The following CFHR5 variants were observed in gnomAD, a reference collection of about 807,000 sequenced individuals.
CFHR5 encodes complement factor H-related protein 5.
In CFHR5, 73 loss-of-function variants were observed where a neutral mutation model predicts 62.9. The observed-to-expected ratio is 1.16, with a 90% CI of 0.96 to 1.41. The LOEUF is 1.41. CFHR5 is among the 40% of genes most tolerant of loss of function. The probability of loss-of-function intolerance (pLI) is 0.00; values close to 1 mark genes in which losing one functional copy is unlikely to be tolerated. For missense variants in CFHR5, 779 were observed against 679.9 expected, an observed-to-expected ratio of 1.15 and a Z score of -1.62; for synonymous variants, 249 against 227.2, an observed-to-expected ratio of 1.10 and a Z score of -0.86.
At position 197,008,651 on chromosome 1, in the gene CFHR5, G is replaced by T. The variant is rs779087611; in HGVS notation, c.1678G>T (p.Glu560Ter). The part of the protein sequence containing the change: ...SSPPFRAICQ[E>*]GKFEYPICE ...ACCACCATTTCGAGCAATCTGTCAG[G>T]AAGGGAAATTTGAATATCCTATATG... Residue 560 changes from glutamate (E) to a stop codon, truncating the protein, a stop_gained, in exon 10 of 10, where the codon GAA becomes TAA. Coordinates refer to ENST00000256785, the MANE Select transcript of CFHR5 (RefSeq NM_030787.4). LOFTEE classifies it low-confidence loss of function (END_TRUNC). 3 of 1,613,636 alleles carry T rather than the reference G, an allele frequency of 1.9e-6. No homozygotes were observed. In the East Asian group the frequency reaches 6.7e-5, roughly 36 times the overall value.
intron 4 of CFHR5, among the ~76,000 whole-genome samples, chr1:196,995,381 G>A (rs1168111047): frequency 6.6e-6 from 1 of 152,024 alleles, no homozygotes; most frequent in African/African-American, 2.4e-5. Flanking sequence ...GAAGAATTTA[G>A]GACTAAAATT....
chr1:196,998,635 T>C (rs1196915345), intron 7 of CFHR5, among the ~76,000 whole-genome samples: 1 of 152,012 alleles, frequency 6.6e-6, no homozygotes, highest in Non-Finnish European at 1.5e-5. Context: ...AATTATGCAC[T>C]GTGAAACAAA....
chr1:196,985,711 C>T lies in CFHR5; in HGVS notation c.430+1574C>T, dbSNP rs150863858. On this transcript the variant is annotated intron_variant, in intron 3 of 9. Transcript: ENST00000256785. Reference sequence around the variant, plus strand: ...AGCTTGACAAATTAAGTTTGGCCAGCGTAACCCATACAAGCTGGCTCTGTG... The same window carrying T: ...AGCTTGACAAATTAAGTTTGGCCAGTGTAACCCATACAAGCTGGCTCTGTG... Among the ~76,000 whole-genome samples, 909 of 152,206 alleles carry T rather than the reference C, an allele frequency of 6.0e-3. 18 individuals are homozygous for T. Among genetic ancestry groups the T allele is most frequent in the African/African-American group, 0.021 (873 of 41,530 alleles).
chr1:196,995,875 T>G lies in CFHR5; in HGVS notation c.766T>G (p.Trp256Gly). 6.2e-7 allele frequency: 1 copy of G among 1,613,252 alleles called. No individual in the cohort carries two copies. The change falls in exon 5 of 10, where the codon TGG becomes GGG. Residue 256 changes from tryptophan to glycine, a missense_variant. Physicochemically the swap from Trp to Gly is radical, Grantham distance 184 (BLOSUM62 -2). Transcript: ENST00000256785. ...GAAAATACAATGTGTGGATGGAGAA[T>G]GGACAACTTTACCCACTTGTGTTGG... ...PKKIQCVDGE[W>G]TTLPTCVEQV...
chr1:196,997,302 T>C (rs962126559), intron 6 of CFHR5, among the ~76,000 whole-genome samples: 1 of 152,164 alleles, frequency 6.6e-6, no homozygotes, highest in Admixed American at 6.6e-5. Flanking sequence ...TGGGAAGATG[T>C]AGATCATATA....
chr1:196,988,997 T>C (rs1653769725), intron 3 of CFHR5, among the ~76,000 whole-genome samples: 1 of 151,626 alleles, frequency 6.6e-6, no homozygotes, highest in African/African-American at 2.4e-5. Flanking sequence ...ATCTGTCTGG[T>C]CCTGAACTTT....
At position 197,008,756 on chromosome 1, in the gene CFHR5, T is replaced by C; in HGVS notation, c.*73T>C. 8.4e-7 allele frequency: 1 copy of C among 1,195,900 alleles called. No individual in the cohort carries two copies. Among genetic ancestry groups the C allele is most frequent in the African/African-American group, 1.5e-5 (1 of 66,592 alleles). The allele number at this position is 1,195,900 out of a possible 1,614,324, so 74.1% of individuals were successfully genotyped here. ...TAAAAGTAGCCATTATGTAGCCAAT[T>C]CTGTAGTTACTTCTTTTATTCTTTC... On this transcript the variant is annotated 3_prime_UTR_variant, in exon 10 of 10. Coordinates refer to ENST00000256785, the MANE Select transcript of CFHR5 (RefSeq NM_030787.4).
At position 196,996,126 on chromosome 1, in the gene CFHR5, A is replaced by T; in HGVS notation, c.895A>T (p.Asn299Tyr). The T allele has an allele frequency of 6.2e-7, 1 of 1,611,892 alleles. No homozygotes were observed. The highest frequency in any genetic ancestry group is 8.5e-7 in the Non-Finnish European group (1 of 1,177,996). The part of the protein sequence containing the change: ...HGVSVEVNCR[N>Y]EYAMIGNNMI... The stretch of plus-strand genomic sequence containing the variant: ...AGTTTCAGTCGAGGTGAATTGCAGA[A>T]ATGAATATGCAATGATTGGAAATAA... The change falls in exon 6 of 10, where the codon AAT (asparagine) becomes TAT (tyrosine). Residue 299 changes from asparagine (N) to tyrosine (Y), a missense_variant. Transcript: ENST00000256785.
At chr1:197,004,557 T>G (rs1037685992) in intron 8 of CFHR5, 104 bp from the exon 9 acceptor site, 8 of 924,480 alleles carry the variant, frequency 8.7e-6, no homozygotes, top group Non-Finnish European at 1.4e-5. Context: ...ATTAATTATT[T>G]GAATTTCCAG....
intron 6 of CFHR5, among the ~76,000 whole-genome samples, chr1:196,997,723 G>A (rs12092294): frequency 0.85 from 128,810 of 152,088 alleles, 55,446 homozygotes; most frequent in East Asian, 1. Flanking sequence ...TTTGCTTCCT[G>A]CAGACTTACC....
At position 197,004,790 on chromosome 1, in the gene CFHR5, C is replaced by T; in HGVS notation, c.1460C>T (p.Ser487Phe). 6.2e-7 allele frequency: 1 copy of T among 1,613,788 alleles called. No homozygotes were observed. The highest frequency in any genetic ancestry group is 1.1e-5 in the South Asian group (1 of 91,064). ...RCQSFYKLQG[S>F]VTVTCRNKQW... ...CAGTCCTTCTATAAACTCCAGGGCT[C>T]TGTAACTGTAACATGCAGAAATAAA... The change falls in exon 9 of 10, where the codon TCT (serine) becomes TTT (phenylalanine). Residue 487 changes from serine to phenylalanine, a missense_variant. Physicochemically the swap from Ser to Phe is radical, Grantham distance 155. Transcript: ENST00000256785.
Position 196,998,258 on chromosome 1 carries a change from C to T in CFHR5, c.1101C>T (p.His367=), listed in dbSNP as rs1308430483. 1.2e-6 allele frequency: 2 copies of T among 1,610,598 alleles called. No homozygotes were observed. The highest frequency in any genetic ancestry group is 8.5e-7 in the Non-Finnish European group (1 of 1,177,782). The change falls in exon 7 of 10, where the codon CAC becomes CAT. Residue 367 remains histidine, a synonymous_variant. Transcript: ENST00000256785. ...GTTCAGACATCTTCAGATACAGGCA[C>T]TCAGTCTGTATAAACGGGAAATGGA... ...YRCSDIFRYR[H]SVCINGKWNP... is the part of the protein sequence containing the mutation.
intron 6 of CFHR5, 91 bp from the exon 7 acceptor site, chr1:196,998,037 C>A: frequency 1.2e-6 from 1 of 838,294 alleles, no homozygotes; most frequent in Non-Finnish European, 1.9e-6. Flanking sequence ...TGTGATGTTG[C>A]TTAAAAGCAT....
rs543451057 is a variant in CFHR5, at chr1:196,988,895, A to G, written c.430+4758A>G. Among the ~76,000 whole-genome samples the G allele has an allele frequency of 3.9e-4, 59 of 152,296 alleles. 1 individual carries two copies. Among genetic ancestry groups the G allele is most frequent in the African/African-American group, 1.1e-3 (46 of 41,544 alleles). On this transcript the variant is annotated intron_variant, in intron 3 of 9. Coordinates refer to ENST00000256785, the MANE Select transcript of CFHR5 (RefSeq NM_030787.4). ...TGATGCTGGCCTCATAAAATGAGTT[A>G]GGGAGTATTCACTCTTTTTCTATTG...
Position 196,994,143 on chromosome 1 carries a change from A to G in CFHR5, c.494A>G (p.Tyr165Cys), listed in dbSNP as rs1210722401. 1.2e-6 allele frequency: 2 copies of G among 1,613,616 alleles called. No individual in the cohort carries two copies. Among genetic ancestry groups the G allele is most frequent in the East Asian group, 2.2e-5 (1 of 44,786 alleles). The change falls in exon 4 of 10, where the codon TAC becomes TGC. Residue 165 changes from tyrosine (Y) to cysteine (C), a missense_variant. By Grantham distance (194) the Tyr-to-Cys change is radical. Coordinates refer to ENST00000256785, the MANE Select transcript of CFHR5 (RefSeq NM_030787.4). Reference sequence around the variant, plus strand: ...GATGCTCAGCCAAAAAAAGAAAGCTACAAAGTTGGAGACGTGTTGAAATTC... The same window carrying G: ...GATGCTCAGCCAAAAAAAGAAAGCTGCAAAGTTGGAGACGTGTTGAAATTC... Reference protein sequence around the residue: ...NVDAQPKKESYKVGDVLKFSC... With the variant: ...NVDAQPKKESCKVGDVLKFSC...
intron 9 of CFHR5, 90 bp from the exon 10 acceptor site, chr1:197,008,397 C>A: frequency 1.4e-6 from 1 of 695,240 alleles, no homozygotes. Context: ...ATTTTAATTC[C>A]AAAATATTCT....
intron 3 of CFHR5, among the ~76,000 whole-genome samples, chr1:196,988,535 A>G (rs1284716251): frequency 6.6e-6 from 1 of 152,144 alleles, no homozygotes; most frequent in Non-Finnish European, 1.5e-5. Context: ...TTATTTTGCC[A>G]TATGTTCCAT....
intron 1 of CFHR5, 133 bp from the exon 2 acceptor site, chr1:196,982,752 G>A (rs1485050721): frequency 1.0e-5 from 8 of 765,386 alleles, no homozygotes; most frequent in African/African-American, 1.7e-5. Context: ...TTAGTACACT[G>A]GAAAGCATTT....
rs1295801219 is a variant in CFHR5 at position 197,008,740 on chromosome 1, C to G, written c.*57C>G. The G allele has an allele frequency of 7.2e-7, 1 of 1,395,380 alleles. No individual in the cohort carries two copies. The highest frequency in any genetic ancestry group is 1.0e-6 in the Non-Finnish European group (1 of 982,370). The allele number at this position is 1,395,380 out of a possible 1,614,324, so 86.4% of individuals were successfully genotyped here. A position where few individuals can be genotyped will look rare whatever the true frequency, so the allele number is the denominator to read the frequency against. On this transcript the variant is annotated 3_prime_UTR_variant, in exon 10 of 10. Coordinates refer to ENST00000256785, the MANE Select transcript of CFHR5 (RefSeq NM_030787.4). ...AAACATCCATCTATGCTAAAAGTAG[C>G]CATTATGTAGCCAATTCTGTAGTTA...
Sources: gnomAD v4.1 joint callset for allele counts (sites outside exome capture counted in the v4.1 genomes callset) on GRCh38, gnomAD v4.1.1 for gene constraint, MANE v1.5 for transcripts, NCBI Gene and HGNC (gene_info 2026-07-23, HGNC 2026-07-21) for gene names.